PTPRQ: variants seen among roughly 807,000 people sequenced by gnomAD.
PTPRQ encodes the protein protein tyrosine phosphatase receptor type Q.
PTPRQ carries 199 observed loss-of-function variants against 246.0 expected under a neutral mutation model. That is an observed-to-expected ratio of 0.81 (90% confidence interval 0.72 to 0.91). The LOEUF (loss-of-function observed/expected upper bound fraction) is 0.91, where lower values mean the gene tolerates loss of function less well. PTPRQ is among the 40% of genes least tolerant of loss of function. PTPRQ has a pLI of 0.00. For missense variants in PTPRQ, 2,624 were observed against 2,528.4 expected (o/e 1.04, Z -0.81); for synonymous variants, 869 against 853.2 (o/e 1.02, Z -0.32).
intron 28 of PTPRQ, among the ~76,000 whole-genome samples, chr12:80,611,024 G>A (rs975893726): frequency 6.7e-6 from 1 of 150,230 alleles, no homozygotes; most frequent in African/African-American, 2.4e-5. Flanking sequence ...TATTAAACTT[G>A]TAATACTCTG....
chr12:80,532,675 C>T lies in PTPRQ; in HGVS notation c.2679-1340C>T, dbSNP rs1016860679. 3.8e-4 allele frequency among the ~76,000 whole-genome samples: 58 copies of T among 152,164 alleles called. 1 individual carries two copies. The highest frequency in any genetic ancestry group is 1.4e-3 in the African/African-American group (57 of 41,496). On this transcript the variant is annotated intron_variant, in intron 17 of 44. Transcript: ENST00000644991. Reference sequence around the variant, plus strand: ...CACAGTATCAAGAGTTTTAAAAGCCCCTCTCCTCTGGTCTCAATGGAGTCA... The same window carrying T: ...CACAGTATCAAGAGTTTTAAAAGCCTCTCTCCTCTGGTCTCAATGGAGTCA...
chr12:80,454,171 G>A (rs1200250484), intron 3 of PTPRQ, among the ~76,000 whole-genome samples: 1 of 143,010 alleles, frequency 7.0e-6, no homozygotes, highest in Non-Finnish European at 1.5e-5. Context: ...GACCCCCTGA[G>A]CCATGTGCAG....
At chr12:80,540,679 T>TG (rs1896125047) in intron 20 of PTPRQ, among the ~76,000 whole-genome samples, 1 of 152,090 alleles carries the variant, frequency 6.6e-6, no homozygotes, top group African/African-American at 2.4e-5. Context: ...AGTGAATGCT[T>TG]GATTTGTTGT....
Position 80,589,823 on chromosome 12 carries a change from C to A in PTPRQ, c.4609+1371C>A, listed in dbSNP as rs150855856. Among the ~76,000 whole-genome samples the A allele has an allele frequency of 7.2e-5, 11 of 152,280 alleles. No individual in the cohort carries two copies. The East Asian group carries it at 2.1e-3, about 29-fold the overall frequency. ...TCTCCTACCTTCCTGGTAGCTCCGT[C>A]TCCGTCCTCTTTGCTGAATTATTCT... On this transcript the variant is annotated intron_variant, in intron 26 of 44. Coordinates refer to ENST00000644991, the MANE Select transcript of PTPRQ (RefSeq NM_001145026.2).
chr12:80,477,951 T>G (rs957383192), intron 8 of PTPRQ, among the ~76,000 whole-genome samples: 18 of 152,068 alleles, frequency 1.2e-4, no homozygotes, highest in Admixed American at 2.0e-4. Flanking sequence ...CGAAGCTGGG[T>G]GAGGGGCGCC....
chr12:80,632,895 G>A (rs191919161), intron 34 of PTPRQ, among the ~76,000 whole-genome samples: 69 of 152,270 alleles, frequency 4.5e-4, no homozygotes, highest in Non-Finnish European at 8.8e-4. Flanking sequence ...GACTGTTCAC[G>A]AATGGCATGG....
At chr12:80,522,151 T>G (rs1175403672) in intron 17 of PTPRQ, among the ~76,000 whole-genome samples, 3 of 152,198 alleles carry the variant, frequency 2.0e-5, no homozygotes, top group African/African-American at 4.8e-5. Flanking sequence ...ACTCATGATT[T>G]GGCTATCTGT....
At chr12:80,610,354 A>G in intron 27 of PTPRQ, 85 bp from the exon 28 acceptor site, 5 of 1,211,748 alleles carry the variant, frequency 4.1e-6, no homozygotes, top group Non-Finnish European at 5.4e-6. Flanking sequence ...AGATAAATAC[A>G]TCTCACGTAG....
intron 3 of PTPRQ, among the ~76,000 whole-genome samples, chr12:80,452,946 T>C (rs1036523608): frequency 3.3e-5 from 5 of 152,222 alleles, no homozygotes; most frequent in African/African-American, 1.2e-4. Context: ...TCCTGGATAA[T>C]ATCCTGCACA....
At chr12:80,586,141 A>G (rs1030694100) in intron 25 of PTPRQ, among the ~76,000 whole-genome samples, 1 of 151,946 alleles carries the variant, frequency 6.6e-6, no homozygotes, top group African/African-American at 2.4e-5. Context: ...TCATTGTTGG[A>G]CATTTGGGTT....
intron 5 of PTPRQ, 130 bp from the exon 6 acceptor site, chr12:80,460,523 G>A (rs946855920): frequency 5.1e-6 from 2 of 393,640 alleles, no homozygotes; most frequent in Non-Finnish European, 9.0e-6. Flanking sequence ...TAGCAAATTT[G>A]TCTATAACTT....
chr12:80,445,834 C>T (rs897238471), intron 3 of PTPRQ, 117 bp downstream of exon 3: 8 of 701,904 alleles, frequency 1.1e-5, no homozygotes, highest in South Asian at 6.8e-5. Flanking sequence ...TGACTGACAA[C>T]GTTCACAGTC....
intron 39 of PTPRQ, among the ~76,000 whole-genome samples, chr12:80,660,868 C>A (rs1181351767): frequency 1.3e-5 from 2 of 151,990 alleles, no homozygotes; most frequent in African/African-American, 4.8e-5. Context: ...TCCCTCCAAA[C>A]TTTGTATATT....
chr12:80,634,946 A>G lies in PTPRQ; in HGVS notation c.5788A>G (p.Ile1930Val), dbSNP rs1291237748. 6.4e-7 allele frequency: 1 copy of G among 1,550,624 alleles called. No individual in the cohort carries two copies. Among genetic ancestry groups the G allele is most frequent in the Non-Finnish European group, 8.7e-7 (1 of 1,146,438 alleles). The stretch of plus-strand genomic sequence containing the variant: ...TGGACTTTACTCCGCTTGTTTTAGA[A>G]TTCGACAGAAGCAGAAAGAAGGTGG... ...LGTAIFAFAR[I>V]RQKQKEGGTY... The change falls in exon 35 of 45, where the codon ATT becomes GTT. Residue 1930 changes from isoleucine (I) to valine (V), a missense_variant and splice_region_variant. Ile to Val is a conservative substitution (Grantham distance 29). Transcript: ENST00000644991.
intron 35 of PTPRQ, among the ~76,000 whole-genome samples, chr12:80,644,267 A>G (rs1458502952): frequency 6.6e-6 from 1 of 152,176 alleles, no homozygotes; most frequent in Non-Finnish European, 1.5e-5. Flanking sequence ...TTTTCAACCA[A>G]AAGATATAGA....
At position 80,630,425 on chromosome 12, in the gene PTPRQ, A is replaced by G. The variant is rs188657858; in HGVS notation, c.5687-1767A>G. Among the ~76,000 whole-genome samples, 46 of 152,260 alleles carry G rather than the reference A, an allele frequency of 3.0e-4. 1 individual carries two copies. In the East Asian group the frequency reaches 6.6e-3, roughly 22 times the overall value. ...AGTATTCGCAGTCAACATTTTTGTC[A>G]GAAGTACTTTATAGGTCTTGCTCAC... is the stretch of plus-strand genomic sequence containing the variant. On this transcript the variant is annotated intron_variant, in intron 33 of 44. Coordinates refer to ENST00000644991, the MANE Select transcript of PTPRQ (RefSeq NM_001145026.2).
chr12:80,469,753 C>A, intron 7 of PTPRQ, among the ~76,000 whole-genome samples: 1 of 152,228 alleles, frequency 6.6e-6, no homozygotes, highest in Non-Finnish European at 1.5e-5. Context: ...ACTCACCCAT[C>A]CGATACACAG....
At chr12:80,450,655 A>G (rs1565711458) in intron 3 of PTPRQ, among the ~76,000 whole-genome samples, 1 of 151,932 alleles carries the variant, frequency 6.6e-6, no homozygotes, top group Non-Finnish European at 1.5e-5. Flanking sequence ...TTTGTCTTTG[A>G]TTTTGTTTAT....
chr12:80,632,423 T>C (rs1899474487), intron 34 of PTPRQ, 132 bp downstream of exon 34: 7 of 1,290,570 alleles, frequency 5.4e-6, no homozygotes, highest in Admixed American at 2.5e-5. Context: ...CAGATAAAAA[T>C]GTATTTATCA....
Sources: allele counts gnomAD v4.1 joint callset (sites outside exome capture counted in the v4.1 genomes callset), GRCh38; gene constraint gnomAD v4.1.1; transcripts MANE v1.5; gene names NCBI Gene and HGNC (gene_info 2026-07-23, HGNC 2026-07-21).